The following ARAP3 variants were observed in gnomAD, a reference collection of about 807,000 sequenced individuals.
The protein encoded by ARAP3 is ArfGAP with RhoGAP domain, ankyrin repeat and PH domain 3, also known as arf-GAP with Rho-GAP domain, ANK repeat and PH domain-containing protein 3.
Under a neutral mutation model 169.2 loss-of-function variants are expected in ARAP3, and 82 were observed. That is an observed-to-expected ratio of 0.48 (90% CI 0.41 to 0.58). ARAP3 has a LOEUF of 0.58. ARAP3 is among the 20% of genes least tolerant of loss of function. The probability of loss-of-function intolerance (pLI) is 0.00; values close to 1 mark genes in which losing one functional copy is unlikely to be tolerated. For missense variants in ARAP3, 1,764 were observed against 2,018.0 expected, an observed-to-expected ratio of 0.87 and a Z score of 2.41; for synonymous variants, 791 against 800.3, an observed-to-expected ratio of 0.99 and a Z score of 0.20.
intron 4 of ARAP3, among the ~76,000 whole-genome samples, chr5:141,674,206 A>C (rs1227437486): frequency 6.6e-6 from 1 of 151,164 alleles, no homozygotes; most frequent in Non-Finnish European, 1.5e-5. Flanking sequence ...CAGGTGATCC[A>C]CCCGCCTTGG....
chr5:141,669,472 C>T (rs1460197126), intron 16 of ARAP3, among the ~76,000 whole-genome samples: 2 of 152,170 alleles, frequency 1.3e-5, no homozygotes, highest in African/African-American at 4.8e-5. Flanking sequence ...CAAGTGAATT[C>T]GTAAACTCTA....
chr5:141,673,308 C>A, intron 6 of ARAP3, 93 bp downstream of exon 6: 1 of 1,574,782 alleles, frequency 6.4e-7, no homozygotes, highest in Admixed American at 1.7e-5. Flanking sequence ...GCCCCGCCCA[C>A]ACACACAATG....
In ARAP3 at chr5:141,672,258, C is replaced by A. The variant is rs375039752; in HGVS notation, c.1429G>T (p.Ala477Ser). 6.2e-7 allele frequency: 1 copy of A among 1,614,192 alleles called. No homozygotes were observed. Among genetic ancestry groups the A allele is most frequent in the Admixed American group, 1.7e-5 (1 of 60,026 alleles). The change falls in exon 10 of 33, where the codon GCT becomes TCT. Residue 477 changes from alanine (A) to serine (S), a missense_variant. Coordinates refer to ENST00000239440, the MANE Select transcript of ARAP3 (RefSeq NM_022481.6). The surrounding 1 kb of genome is among the most constrained non-coding windows in gnomAD (Gnocchi z 4.9). ...SGGARQSWAA[A>S]LQEAVTETLS... is the part of the protein sequence containing the mutation. ...GTCTCGGTTACTGCTTCCTGCAGAG[C>A]GGCCGCCCAGCTCTGCCGAGCACCC... is the stretch of plus-strand genomic sequence containing the variant.
At chr5:141,670,392 C>T in intron 14 of ARAP3, 120 bp downstream of exon 14, 1 of 1,117,050 alleles carries the variant, frequency 9.0e-7, no homozygotes, top group South Asian at 1.4e-5. Context: ...GGACCCCAGC[C>T]CATTCCCAGG....
Position 141,671,426 on chromosome 5 carries a change from A to C in ARAP3, c.1855-26T>G. 6.3e-7 allele frequency: 1 copy of C among 1,598,680 alleles called. No homozygotes were observed. Among genetic ancestry groups the C allele is most frequent in the Non-Finnish European group, 8.5e-7 (1 of 1,171,822 alleles). ...CTGCAGGGAGGGAAGGGCCTCTGTC[A>C]GCCCCAAATCCCAAACTGAGAGCAC... On this transcript the variant is annotated intron_variant, in intron 12 of 32. Coordinates refer to ENST00000239440, the MANE Select transcript of ARAP3 (RefSeq NM_022481.6). The surrounding 1 kb of genome is among the most constrained non-coding windows in gnomAD (Gnocchi z 4.9).
In ARAP3 at chr5:141,654,261, G is replaced by A. The variant is rs2099908902; in HGVS notation, c.4324C>T (p.Gln1442Ter). 2 of 1,614,188 alleles carry A rather than the reference G, an allele frequency of 1.2e-6. No homozygotes were observed. Among genetic ancestry groups the A allele is most frequent in the Non-Finnish European group, 1.7e-6 (2 of 1,180,026 alleles). ...AGAAAGGGTTGATCCAATGACTTCTGGCTGGTGAGGGGGTTCTCTGGCTTC... is the reference window on the plus strand; with the variant it reads ...AGAAAGGGTTGATCCAATGACTTCTAGCTGGTGAGGGGGTTCTCTGGCTTC... Reference protein sequence around the residue: ...TVKPENPLTSQKSLDQPFLSK... With the variant: ...TVKPENPLTS The change falls in exon 33 of 33, where the codon CAG becomes TAG. Residue 1442 changes from glutamine to a stop codon, truncating the protein, a stop_gained. Coordinates refer to ENST00000239440, the MANE Select transcript of ARAP3 (RefSeq NM_022481.6). LOFTEE classifies it high-confidence loss of function.
chr5:141,678,140 G>A (rs1206403367), intron 4 of ARAP3, among the ~76,000 whole-genome samples: 5 of 152,028 alleles, frequency 3.3e-5, no homozygotes, highest in Admixed American at 6.6e-5. Flanking sequence ...TAGTAGACAC[G>A]AGGTTTCACC....
intron 4 of ARAP3, among the ~76,000 whole-genome samples, chr5:141,677,253 A>G (rs1237949667): frequency 6.6e-6 from 1 of 152,242 alleles, no homozygotes; most frequent in Non-Finnish European, 1.5e-5. Context: ...CAACATAAAA[A>G]TATAAACATA....
chr5:141,672,155 C>T lies in ARAP3; in HGVS notation c.1532G>A (p.Arg511His), dbSNP rs781686907. 17 of 1,614,186 alleles carry T rather than the reference C, an allele frequency of 1.1e-5. No individual in the cohort carries two copies. Among genetic ancestry groups the T allele is most frequent in the South Asian group, 7.7e-5 (7 of 91,086 alleles). ...CAAATTGACAGCAGCCCAATCTGGG[C>T]GGGAGGACCCACAGTCCGCACACTG... ...NRQCADCGSS[R>H]PDWAAVNLGV... Residue 511 changes from arginine to histidine, a missense_variant, in exon 10 of 33, where the codon CGC becomes CAC. Physicochemically the swap from Arg to His is conservative, Grantham distance 29. Transcript: ENST00000239440. This position sits in a 1 kb window ranked among gnomAD's most constrained non-coding sequence, Gnocchi z 4.9.
At chr5:141,678,607 C>A (rs778255891) in intron 4 of ARAP3, among the ~76,000 whole-genome samples, 3 of 151,958 alleles carry the variant, frequency 2.0e-5, no homozygotes, top group Non-Finnish European at 2.9e-5. Context: ...CCTTCCTCAG[C>A]CTCCTAACTA....
At chr5:141,673,959 CTTTTT>C (rs10712701) in intron 4 of ARAP3, 151 bp from the exon 5 acceptor site, 229 of 362,930 alleles carry the variant, frequency 6.3e-4, no homozygotes, top group East Asian at 8.7e-4. Context: ...TTCTTTTCTT[CTTTTT>C]TTTTTTTTTT....
intron 19 of ARAP3, among the ~76,000 whole-genome samples, chr5:141,663,221 C>T (rs113022371): frequency 1.6e-4 from 24 of 152,286 alleles, no homozygotes; most frequent in South Asian, 8.3e-4. Context: ...GTCTGACACA[C>T]GGTAGCAGCT....
intron 21 of ARAP3, among the ~76,000 whole-genome samples, chr5:141,660,258 C>T (rs1022361794): frequency 6.6e-6 from 1 of 152,034 alleles, no homozygotes; most frequent in South Asian, 2.1e-4. Flanking sequence ...TTTGGGAGGC[C>T]GAGGCAGGCG....
rs757031961 is a variant in ARAP3 at position 141,656,748 on chromosome 5, G to T, written c.3625C>A (p.Pro1209Thr). 6.6e-5 allele frequency: 107 copies of T among 1,611,734 alleles called. No individual in the cohort carries two copies. Among genetic ancestry groups the T allele is most frequent in the Non-Finnish European group, 9.0e-5 (106 of 1,178,992 alleles). ...CSASLLLKKV[P>T]LAQAGCLFTG... ...AAGAGGCAGCCAGCTTGGGCCAGGG[G>T]GACTTTTTTCAAGAGCAGGGAAGCT... The change falls in exon 26 of 33, where the codon CCC (proline) becomes ACC (threonine). Residue 1209 changes from proline (P) to threonine (T), a missense_variant. Physicochemically the swap from Pro to Thr is conservative, Grantham distance 38 (BLOSUM62 -1). This residue lies in a region of ARAP3 where 1,112 missense variants were observed against 1,285.7 expected (regional missense o/e 0.86). Transcript: ENST00000239440.
At chr5:141,679,482 G>C in intron 4 of ARAP3, 63 bp downstream of exon 4, 3 of 1,496,878 alleles carry the variant, frequency 2.0e-6, no homozygotes, top group Non-Finnish European at 2.8e-6. Context: ...TGAATAACTG[G>C]ATACATGGCC....
intron 4 of ARAP3, among the ~76,000 whole-genome samples, chr5:141,677,622 C>T (rs895941284): frequency 1.3e-5 from 2 of 152,196 alleles, no homozygotes; most frequent in African/African-American, 2.4e-5. Flanking sequence ...TCTCCTTTGG[C>T]CCCCTACAGA....
chr5:141,665,315 C>T lies in ARAP3; in HGVS notation c.2632G>A (p.Gly878Arg), dbSNP rs2099910489. ...KKEHLVLVET[G>R]RTLYLQGEGR... is the part of the protein sequence containing the mutation. ...TCAAGGGCAGGGGCAATTTACCTTC[C>T]TGTCTCCACCAGGACCAAATGCTCT... The change falls in exon 18 of 33, where the codon GGA becomes AGA. Residue 878 changes from glycine (G) to arginine (R), a missense_variant. By Grantham distance (125) the Gly-to-Arg change is moderately radical (BLOSUM62 -2). Coordinates refer to ENST00000239440, the MANE Select transcript of ARAP3 (RefSeq NM_022481.6). 6.2e-7 allele frequency: 1 copy of T among 1,614,224 alleles called. No homozygotes were observed. Among genetic ancestry groups the T allele is most frequent in the East Asian group, 2.2e-5 (1 of 44,874 alleles).
intron 4 of ARAP3, among the ~76,000 whole-genome samples, chr5:141,674,432 A>G (rs1177218750): frequency 1.3e-5 from 2 of 151,314 alleles, no homozygotes; most frequent in Admixed American, 1.3e-4. Flanking sequence ...TTTTTATTTT[A>G]TTTTTAGTAG....
At chr5:141,675,316 T>G (rs1179019356) in intron 4 of ARAP3, among the ~76,000 whole-genome samples, 1 of 152,042 alleles carries the variant, frequency 6.6e-6, no homozygotes, top group Non-Finnish European at 1.5e-5. Flanking sequence ...TGGGAAACAT[T>G]AAAAAATATC....
Sources: allele counts gnomAD v4.1 joint callset (sites outside exome capture counted in the v4.1 genomes callset), GRCh38; gene constraint gnomAD v4.1.1; regional missense constraint gnomAD v4.1.1; non-coding constraint Gnocchi (gnomAD v3.1); transcripts MANE v1.5; gene names NCBI Gene and HGNC (gene_info 2026-07-23, HGNC 2026-07-21).